PRLR: variants seen among roughly 807,000 people sequenced by gnomAD.
PRLR encodes the protein prolactin receptor, also known as hPRL receptor.
PRLR carries 13 observed loss-of-function variants against 40.2 expected under a neutral mutation model. The observed-to-expected ratio is 0.32, with a 90% CI of 0.21 to 0.51. PRLR has a LOEUF of 0.51. PRLR is among the 20% of genes least tolerant of loss of function. The pLI is 0.97. For missense variants in PRLR, 656 were observed against 747.3 expected, an observed-to-expected ratio of 0.88 and a Z score of 1.42; for synonymous variants, 269 against 278.7, an observed-to-expected ratio of 0.97 and a Z score of 0.35.
intron 1 of PRLR, among the ~76,000 whole-genome samples, chr5:35,124,604 C>T (rs773141101): frequency 2.0e-5 from 3 of 152,108 alleles, no homozygotes; most frequent in Non-Finnish European, 4.4e-5. Context: ...AGGCCAAATT[C>T]CTTAATTTAT....
At chr5:35,226,194 T>G (rs1776545005) in intron 1 of PRLR, among the ~76,000 whole-genome samples, 1 of 152,236 alleles carries the variant, frequency 6.6e-6, no homozygotes, top group African/African-American at 2.4e-5. Context: ...AGCTACTTAA[T>G]TTACTTTTGA....
intron 1 of PRLR, among the ~76,000 whole-genome samples, chr5:35,153,569 A>T: frequency 6.6e-6 from 1 of 152,140 alleles, no homozygotes; most frequent in Non-Finnish European, 1.5e-5. Context: ...AAGCAAATAG[A>T]GGAAGTGATT....
At chr5:35,082,473 T>C (rs1468017331) in intron 5 of PRLR, among the ~76,000 whole-genome samples, 2 of 152,190 alleles carry the variant, frequency 1.3e-5, no homozygotes, top group Non-Finnish European at 2.9e-5. Context: ...CTTTGTAGAA[T>C]GCTTAGCAGG....
exon 9 of PRLR, chr5:35,048,998 C>A (rs555539765): frequency 1.3e-5 from 6 of 453,108 alleles, no homozygotes; most frequent in East Asian, 5.4e-5. Context: ...GCATAACAAC[C>A]TTTTACTCCA....
intron 1 of PRLR, among the ~76,000 whole-genome samples, chr5:35,227,924 A>T (rs1169383320): frequency 6.6e-6 from 1 of 152,192 alleles, no homozygotes; most frequent in African/African-American, 2.4e-5. Flanking sequence ...TCAAGTATCC[A>T]CGCCGGTCTG....
At chr5:35,180,616 AG>A (rs952358844) in intron 1 of PRLR, among the ~76,000 whole-genome samples, 1 of 151,520 alleles carries the variant, frequency 6.6e-6, no homozygotes, top group Admixed American at 6.6e-5. Flanking sequence ...TTTAAATTCT[AG>A]GGTACATCTG....
intron 1 of PRLR, among the ~76,000 whole-genome samples, chr5:35,172,034 G>A (rs746431140): frequency 6.6e-4 from 100 of 152,196 alleles, no homozygotes; most frequent in Admixed American, 5.0e-3. Flanking sequence ...TTTGTGAAAC[G>A]AGCCCCTAAA....
intron 2 of PRLR, among the ~76,000 whole-genome samples, chr5:35,107,197 T>A (rs1029048659): frequency 1.3e-5 from 2 of 152,186 alleles, no homozygotes; most frequent in Non-Finnish European, 2.9e-5. Context: ...AGACACTACA[T>A]ACCAGAATCT....
intron 1 of PRLR, among the ~76,000 whole-genome samples, chr5:35,121,105 TG>T (rs572051405): frequency 2.0e-5 from 3 of 152,048 alleles, no homozygotes; most frequent in Non-Finnish European, 2.9e-5. Context: ...GTAAAAACCA[TG>T]GGGGGGTAGA....
intron 1 of PRLR, among the ~76,000 whole-genome samples, chr5:35,185,107 C>T (rs1315043130): frequency 6.6e-6 from 1 of 152,254 alleles, no homozygotes; most frequent in East Asian, 1.9e-4. Context: ...AGGAAGCCCA[C>T]AGACCAGTGA....
In PRLR at chr5:35,061,730, G is replaced by A. The variant is rs1025492821; in HGVS notation, c.*3359C>T. 9 of 152,128 alleles carry A rather than the reference G, an allele frequency of 5.9e-5. No homozygotes were observed. Among genetic ancestry groups the A allele is most frequent in the African/African-American group, 2.2e-4 (9 of 41,412 alleles). The allele number at this position is 152,128 out of a possible 1,614,324, so 9.4% of individuals were successfully genotyped here. ...CCCGTTGCCTAGATTCAGTTTCCAT[G>A]CGCCTTAAAACTTGAATATTTAGGT... On this transcript the variant is annotated 3_prime_UTR_variant, in exon 10 of 10. Transcript: ENST00000618457.
chr5:35,053,041 G>A (rs1021111106), downstream of PRLR, among the ~76,000 whole-genome samples: 1 of 152,068 alleles, frequency 6.6e-6, no homozygotes, highest in Non-Finnish European at 1.5e-5. Context: ...ACCCTCGGAG[G>A]GCAAAATGGC....
intron 1 of PRLR, among the ~76,000 whole-genome samples, chr5:35,221,319 A>G (rs1290291077): frequency 6.6e-6 from 1 of 152,258 alleles, no homozygotes; most frequent in Non-Finnish European, 1.5e-5. Context: ...CTTAACCTTT[A>G]TCTTTCAGTC....
At chr5:35,153,353 C>T (rs751349148) in intron 1 of PRLR, among the ~76,000 whole-genome samples, 1 of 152,268 alleles carries the variant, frequency 6.6e-6, no homozygotes, top group South Asian at 2.1e-4. Flanking sequence ...TGTTGCCCCC[C>T]AGGCCAATTC....
chr5:35,072,200 G>A (rs1301246325), intron 6 of PRLR, among the ~76,000 whole-genome samples: 1 of 152,076 alleles, frequency 6.6e-6, no homozygotes, highest in Non-Finnish European at 1.5e-5. Context: ...CACCCAGCCT[G>A]GTTGAGGTAT....
At chr5:35,210,057 A>G (rs945710422) in intron 1 of PRLR, among the ~76,000 whole-genome samples, 7 of 152,216 alleles carry the variant, frequency 4.6e-5, no homozygotes, top group African/African-American at 1.7e-4. Flanking sequence ...AGCTTGGCTC[A>G]TACACACTGG....
At chr5:35,154,364 T>G (rs191806646) in intron 1 of PRLR, among the ~76,000 whole-genome samples, 1 of 152,366 alleles carries the variant, frequency 6.6e-6, no homozygotes, top group East Asian at 1.9e-4. Flanking sequence ...TACTTTTTGA[T>G]ACATCTCTAA....
intron 4 of PRLR, among the ~76,000 whole-genome samples, chr5:35,085,441 A>G (rs1770789126): frequency 6.6e-6 from 1 of 152,212 alleles, no homozygotes; most frequent in African/African-American, 2.4e-5. Flanking sequence ...CATGATTTTC[A>G]GGAGGGTCTC....
chr5:35,228,865 G>T (rs1776619852), intron 1 of PRLR, among the ~76,000 whole-genome samples: 1 of 152,054 alleles, frequency 6.6e-6, no homozygotes, highest in South Asian at 2.1e-4. Context: ...TCTTGATACA[G>T]GAGGAGGAAT....
Sources: gnomAD v4.1 joint callset for allele counts (sites outside exome capture counted in the v4.1 genomes callset) on GRCh38, gnomAD v4.1.1 for gene constraint, MANE v1.5 for transcripts, NCBI Gene and HGNC (gene_info 2026-07-23, HGNC 2026-07-21) for gene names.